MYOM3: variants seen among roughly 807,000 people sequenced by gnomAD.
MYOM3 encodes myomesin 3.
Under a neutral mutation model 191.7 loss-of-function variants are expected in MYOM3, and 155 were observed. The ratio of observed to expected loss-of-function variants is 0.81; its 90% CI spans 0.71 to 0.92. The LOEUF (loss-of-function observed/expected upper bound fraction) is 0.92. MYOM3 is among the 40% of genes least tolerant of loss of function. The probability of loss-of-function intolerance (pLI) is 0.00; values close to 1 mark genes in which losing one functional copy is unlikely to be tolerated. For missense variants in MYOM3, 1,889 were observed against 1,890.6 expected, an observed-to-expected ratio of 1.00 and a Z score of 0.02; for synonymous variants, 757 against 762.9, an observed-to-expected ratio of 0.99 and a Z score of 0.13.
chr1:24,078,653 C>A (rs1384290633), intron 20 of MYOM3, among the ~76,000 whole-genome samples: 1 of 152,150 alleles, frequency 6.6e-6, no homozygotes, highest in Non-Finnish European at 1.5e-5. Flanking sequence ...TCCCCTTTTC[C>A]TAGGGCTGCA....
rs1557610967 is a variant in MYOM3 at position 24,087,079 on chromosome 1, C to A, written c.1615-252G>T. ...TCCCACACCTGCATTGCACTGGTGGCCCCCATCCTTCCAGTCCCTCGGGTG... is the reference window on the plus strand; with the variant it reads ...TCCCACACCTGCATTGCACTGGTGGACCCCATCCTTCCAGTCCCTCGGGTG... On this transcript the variant is annotated intron_variant, in intron 14 of 36. Transcript: ENST00000374434. This position sits in a 1 kb window ranked among gnomAD's most constrained non-coding sequence, Gnocchi z 4.5. Among the ~76,000 whole-genome samples the A allele has an allele frequency of 6.6e-6, 1 of 152,138 alleles. No homozygotes were observed. Among genetic ancestry groups the A allele is most frequent in the African/African-American group, 2.4e-5 (1 of 41,426 alleles).
chr1:24,065,861 AG>A (rs752434335), intron 29 of MYOM3, 29 bp downstream of exon 29: 1 of 1,508,720 alleles, frequency 6.6e-7, no homozygotes, highest in South Asian at 1.1e-5. Context: ...CAAAGGAGAA[AG>A]TGAGCCCTGA....
Position 24,063,633 on chromosome 1 carries a change from C to A in MYOM3, c.3623-103G>T. ...AAAGGCTGGTGGAGCCCGTGAGCTG[C>A]TCTCAGGGGGACAGGCAACTCTGTA... On this transcript the variant is annotated intron_variant, in intron 30 of 36. Coordinates refer to ENST00000374434, the MANE Select transcript of MYOM3 (RefSeq NM_152372.4). This position sits in a 1 kb window ranked among gnomAD's most constrained non-coding sequence, Gnocchi z 4.5. The A allele has an allele frequency of 7.5e-7, 1 of 1,339,920 alleles. No individual in the cohort carries two copies. The highest frequency in any genetic ancestry group is 1.1e-6 in the Non-Finnish European group (1 of 944,128). 83.0% of individuals were successfully genotyped at this position (1,339,920 alleles called of 1,614,324 possible). A position where few individuals can be genotyped will look rare whatever the true frequency, so the allele number is the denominator to read the frequency against.
chr1:24,098,088 G>A, intron 6 of MYOM3, 77 bp from the exon 7 acceptor site: 1 of 927,260 alleles, frequency 1.1e-6, no homozygotes, highest in Non-Finnish European at 1.8e-6. Context: ...GTGTGGGTGG[G>A]AAAGGCTGGA....
rs1056984217 is a variant in MYOM3, at chr1:24,077,679, T to C, written c.2587-1406A>G. ...CCTGCTACCCAACAACTGTGACTTA[T>C]TTAGCTTCCCATGCCTAGGAATTGG... On this transcript the variant is annotated intron_variant, in intron 20 of 36. Coordinates refer to ENST00000374434, the MANE Select transcript of MYOM3 (RefSeq NM_152372.4). Among the ~76,000 whole-genome samples the C allele has an allele frequency of 2.6e-5, 4 of 152,238 alleles. No individual in the cohort carries two copies. The East Asian group carries it at 7.7e-4, about 29-fold the overall frequency.
chr1:24,107,222 G>C lies in MYOM3; in HGVS notation c.253C>G (p.Leu85Val). 5 of 1,596,666 alleles carry C rather than the reference G, an allele frequency of 3.1e-6. No individual in the cohort carries two copies. Among genetic ancestry groups the C allele is most frequent in the African/African-American group, 2.7e-5 (2 of 74,714 alleles). The change falls in exon 4 of 37, where the codon CTG becomes GTG. Residue 85 changes from leucine (L) to valine (V), a missense_variant. Physicochemically the swap from Leu to Val is conservative, Grantham distance 32. Transcript: ENST00000374434. ...TCCACGGCAGAGGTCTGGCGTCTCA[G>C]CTGGGCTTCCCTGCCGTGACAGAGG... ...ASSELSWEAQLRRQTSAVELE... is the reference protein window; with the variant it reads ...ASSELSWEAQVRRQTSAVELE...
intron 5 of MYOM3, among the ~76,000 whole-genome samples, chr1:24,104,698 G>A (rs781553498): frequency 1.4e-4 from 21 of 152,166 alleles, no homozygotes; most frequent in Non-Finnish European, 2.5e-4. Flanking sequence ...TACAGGTGCA[G>A]GCCACATGCC....
chr1:24,065,417 C>A (rs1023455300), intron 29 of MYOM3, among the ~76,000 whole-genome samples: 12 of 152,310 alleles, frequency 7.9e-5, no homozygotes, highest in Admixed American at 7.2e-4. Flanking sequence ...GAATTGAGCT[C>A]CAGGCCTGCT....
chr1:24,070,983 G>GC (rs34631595), intron 25 of MYOM3, 134 bp downstream of exon 25: 221,046 of 1,174,730 alleles, frequency 0.19, 23,229 homozygotes, highest in Admixed American at 0.26. Context: ...CCTCATCACT[G>GC]CAACAGCAAA....
In MYOM3 at chr1:24,068,594, T is replaced by G. The variant is rs142180217; in HGVS notation, c.3151-227A>C. Reference sequence around the variant, plus strand: ...TTGTTTTTTTGAGACAGAGTCTCACTCTTGCCTAGGCTGGGGTGCAGTGGA... The same window carrying G: ...TTGTTTTTTTGAGACAGAGTCTCACGCTTGCCTAGGCTGGGGTGCAGTGGA... On this transcript the variant is annotated intron_variant, in intron 25 of 36. Coordinates refer to ENST00000374434, the MANE Select transcript of MYOM3 (RefSeq NM_152372.4). 3.1e-3 allele frequency among the ~76,000 whole-genome samples: 473 copies of G among 152,302 alleles called. 1 individual carries two copies. Among genetic ancestry groups the G allele is most frequent in the Non-Finnish European group, 5.3e-3 (361 of 68,028 alleles).
intron 36 of MYOM3, 50 bp downstream of exon 36, chr1:24,058,874 G>C (rs762398415): frequency 1.4e-6 from 2 of 1,392,118 alleles, no homozygotes; most frequent in Non-Finnish European, 1.0e-6. Flanking sequence ...GTGGATGCAC[G>C]AAGGAACACA....
At chr1:24,078,847 ACTT>A (rs2148549731) in intron 20 of MYOM3, among the ~76,000 whole-genome samples, 1 of 152,284 alleles carries the variant, frequency 6.6e-6, no homozygotes, top group Non-Finnish European at 1.5e-5. Context: ...GCTTCAAGTG[ACTT>A]CTTTGTTTCC....
At chr1:24,059,200 C>G (rs12749951) in intron 35 of MYOM3, among the ~76,000 whole-genome samples, 3,679 of 152,250 alleles carry the variant, frequency 0.024, 65 homozygotes, top group South Asian at 0.079. Flanking sequence ...GCAGCACGAT[C>G]TCAGCTCACT....
At chr1:24,084,436 G>A in intron 16 of MYOM3, 32 bp downstream of exon 16, 1 of 1,611,560 alleles carries the variant, frequency 6.2e-7, no homozygotes, top group Non-Finnish European at 8.5e-7. Flanking sequence ...ATAGCAGTGT[G>A]AGAACAGACT....
intron 17 of MYOM3, 27 bp from the exon 18 acceptor site, chr1:24,082,215 A>G (rs543635091): frequency 1.9e-6 from 3 of 1,570,858 alleles, no homozygotes; most frequent in African/African-American, 2.7e-5. Context: ...AGGTGAGGAC[A>G]GCTGCTCCCT....
At chr1:24,103,751 G>C (rs911160195) in intron 5 of MYOM3, among the ~76,000 whole-genome samples, 1 of 148,860 alleles carries the variant, frequency 6.7e-6, no homozygotes, top group Admixed American at 6.6e-5. Flanking sequence ...GATGTAATGC[G>C]TGTCTTAATT....
chr1:24,075,959 G>A (rs540703869), intron 21 of MYOM3, among the ~76,000 whole-genome samples, 200 bp downstream of exon 21: 1 of 152,354 alleles, frequency 6.6e-6, no homozygotes, highest in African/African-American at 2.4e-5. Context: ...ACTAGCGTGT[G>A]ACCTGGTTGA....
chr1:24,060,361 A>C (rs760863702), intron 35 of MYOM3, among the ~76,000 whole-genome samples: 6 of 152,218 alleles, frequency 3.9e-5, no homozygotes, highest in Non-Finnish European at 5.9e-5. Context: ...CTCGGGGTCA[A>C]TGATGCCACG....
Position 24,063,103 on chromosome 1 carries a change from G to A in MYOM3, c.3770+23C>T. On this transcript the variant is annotated intron_variant, in intron 32 of 36. Transcript: ENST00000374434. This position sits in a 1 kb window ranked among gnomAD's most constrained non-coding sequence, Gnocchi z 4.5. ...CTGAATCCTTTCCAGCCTGGCTGGG[G>A]TTCTGGGGCAAGGCGGACTTACTTG... is the stretch of plus-strand genomic sequence containing the variant. The A allele has an allele frequency of 6.5e-7, 1 of 1,546,478 alleles. No individual in the cohort carries two copies. Among genetic ancestry groups the A allele is most frequent in the East Asian group, 2.3e-5 (1 of 44,180 alleles).
Sources: allele counts gnomAD v4.1 joint callset (sites outside exome capture counted in the v4.1 genomes callset), GRCh38; gene constraint gnomAD v4.1.1; non-coding constraint Gnocchi (gnomAD v3.1); transcripts MANE v1.5; gene names NCBI Gene and HGNC (gene_info 2026-07-23, HGNC 2026-07-21).